Variants in CNTNAP2 observed in about 807,000 individuals in gnomAD.
CNTNAP2 encodes contactin associated protein 2, also known as contactin-associated protein-like 2.
CNTNAP2 carries 98 observed loss-of-function variants against 155.2 expected under a neutral mutation model. That is an observed-to-expected ratio of 0.63 (90% CI 0.54 to 0.75). CNTNAP2 has a LOEUF of 0.75. Ranked by LOEUF, CNTNAP2 falls within the 30% of genes least tolerant of loss-of-function variation. The pLI, the probability that CNTNAP2 is intolerant of heterozygous loss-of-function variation, is 0.00. For synonymous variants in CNTNAP2, 651 were observed against 631.2 expected (o/e 1.03, Z -0.47); for missense variants, 1,727 against 1,688.1 (o/e 1.02, Z -0.40).
intron 15 of CNTNAP2, chr7:148,044,454 G>A (rs1349391629): frequency 1.3e-5 from 2 of 152,158 alleles, no homozygotes; most frequent in South Asian, 2.1e-4. Flanking sequence ...CCTAAAATCC[G>A]TAAATTGAAA....
chr7:146,872,519 T>C (rs1795334017), intron 3 of CNTNAP2, among the ~76,000 whole-genome samples: 1 of 152,174 alleles, frequency 6.6e-6, no homozygotes, highest in African/African-American at 2.4e-5. Flanking sequence ...TGTCAGTTAT[T>C]GAGTTTCTTA....
Position 147,043,953 on chromosome 7 carries a change from T to C in CNTNAP2, c.449T>C (p.Leu150Ser), listed in dbSNP as rs199851989. 6 of 1,614,202 alleles carry C rather than the reference T, an allele frequency of 3.7e-6. No individual in the cohort carries two copies. In the Admixed American group the frequency reaches 1.0e-4, roughly 27 times the overall value. The change falls in exon 4 of 24, where the codon TTA becomes TCA. Residue 150 changes from leucine (L) to serine (S), a missense_variant. Transcript: ENST00000361727. ...INSDGVVRHE[L>S]QHPIIARYVR... The stretch of plus-strand genomic sequence containing the variant: ...TCTGACGGTGTGGTCCGGCACGAAT[T>C]ACAGCATCCGATTATTGCCCGCTAT...
intron 1 of CNTNAP2, among the ~76,000 whole-genome samples, chr7:146,540,571 C>A (rs996743585): frequency 6.6e-6 from 1 of 152,042 alleles, no homozygotes; most frequent in Non-Finnish European, 1.5e-5. Context: ...CCATACATAT[C>A]ATTTTATTTC....
At chr7:146,909,162 T>C (rs1796217097) in intron 3 of CNTNAP2, among the ~76,000 whole-genome samples, 1 of 151,912 alleles carries the variant, frequency 6.6e-6, no homozygotes, top group South Asian at 2.1e-4. Context: ...CAATAATCAA[T>C]AGTTTACCAA....
At chr7:147,131,864 T>G (rs573060876) in intron 7 of CNTNAP2, among the ~76,000 whole-genome samples, 5 of 152,002 alleles carry the variant, frequency 3.3e-5, no homozygotes, top group Non-Finnish European at 7.4e-5. Flanking sequence ...AGAGCATCTC[T>G]CTCCCTGACT....
intron 6 of CNTNAP2, among the ~76,000 whole-genome samples, chr7:147,127,974 G>C (rs1271293777): frequency 6.6e-6 from 1 of 151,972 alleles, no homozygotes; most frequent in Non-Finnish European, 1.5e-5. Flanking sequence ...AGTGTATATT[G>C]ATCAAAAATG....
intron 3 of CNTNAP2, among the ~76,000 whole-genome samples, chr7:146,849,022 A>G (rs1362090835): frequency 6.6e-6 from 1 of 152,068 alleles, no homozygotes; most frequent in Non-Finnish European, 1.5e-5. Context: ...CTCAAGTGAT[A>G]CACCCACCTA....
chr7:147,100,771 C>A (rs891366776), intron 4 of CNTNAP2, among the ~76,000 whole-genome samples: 1 of 152,130 alleles, frequency 6.6e-6, no homozygotes, highest in African/African-American at 2.4e-5. Context: ...TGTTTCAAAC[C>A]TAAATGATGT....
intron 1 of CNTNAP2, among the ~76,000 whole-genome samples, chr7:146,224,468 C>A (rs1358807512): frequency 6.7e-6 from 1 of 150,084 alleles, no homozygotes; most frequent in Non-Finnish European, 1.5e-5. Flanking sequence ...AGATTTGGGG[C>A]CGGGCGCGAT....
At chr7:147,338,811 T>C (rs549174345) in intron 9 of CNTNAP2, among the ~76,000 whole-genome samples, 2 of 151,826 alleles carry the variant, frequency 1.3e-5, no homozygotes, top group African/African-American at 2.4e-5. Flanking sequence ...TATACACATG[T>C]GTATGTAGAT....
chr7:148,167,830 A>G (rs908524358), intron 17 of CNTNAP2, among the ~76,000 whole-genome samples: 2 of 152,198 alleles, frequency 1.3e-5, no homozygotes, highest in African/African-American at 2.4e-5. Context: ...TGTAGAACCT[A>G]AGAAGTCCAA....
intron 1 of CNTNAP2, among the ~76,000 whole-genome samples, chr7:146,270,584 T>G (rs1313078504): frequency 3.3e-5 from 5 of 152,196 alleles, no homozygotes; most frequent in Admixed American, 6.5e-5. Flanking sequence ...TTTAAACAAT[T>G]TTAATATTTC....
intron 1 of CNTNAP2, among the ~76,000 whole-genome samples, chr7:146,187,551 CTT>C: frequency 6.6e-6 from 1 of 152,216 alleles, no homozygotes; most frequent in Admixed American, 6.5e-5. Context: ...GACCCTGTGA[CTT>C]TCCTCTTTCC....
At chr7:148,104,562 T>C (rs1804171037) in intron 15 of CNTNAP2, among the ~76,000 whole-genome samples, 1 of 152,180 alleles carries the variant, frequency 6.6e-6, no homozygotes, top group Admixed American at 6.5e-5. Context: ...GCTATGACCA[T>C]CCTTCATTAC....
chr7:148,045,511 C>T (rs894830202), intron 15 of CNTNAP2, among the ~76,000 whole-genome samples: 6 of 152,148 alleles, frequency 3.9e-5, no homozygotes, highest in Non-Finnish European at 5.9e-5. Context: ...GATTGACCGC[C>T]TTGAGGAGCT....
At chr7:148,195,806 AT>A (rs1795267033) in intron 18 of CNTNAP2, among the ~76,000 whole-genome samples, 1 of 152,044 alleles carries the variant, frequency 6.6e-6, no homozygotes, top group African/African-American at 2.4e-5. Flanking sequence ...TTATTTCTGT[AT>A]TTTCTTGGTG....
intron 1 of CNTNAP2, among the ~76,000 whole-genome samples, chr7:146,302,908 A>G (rs1800636357): frequency 6.6e-6 from 1 of 152,198 alleles, no homozygotes; most frequent in African/African-American, 2.4e-5. Flanking sequence ...GACCTTTGTA[A>G]TAAATGTATT....
At chr7:146,910,225 C>T (rs1239579829) in intron 3 of CNTNAP2, among the ~76,000 whole-genome samples, 1 of 145,128 alleles carries the variant, frequency 6.9e-6, no homozygotes, top group African/African-American at 2.6e-5. Context: ...AATGGCCATA[C>T]TGCCCAAGGT....
chr7:148,121,664 AT>A (rs546519468), intron 16 of CNTNAP2, among the ~76,000 whole-genome samples: 22 of 152,154 alleles, frequency 1.4e-4, no homozygotes, highest in Non-Finnish European at 2.5e-4. Flanking sequence ...AGTTCTGTTA[AT>A]TAATTACATT....
Sources: allele counts gnomAD v4.1 joint callset (sites outside exome capture counted in the v4.1 genomes callset), GRCh38; gene constraint gnomAD v4.1.1; transcripts MANE v1.5; gene names NCBI Gene and HGNC (gene_info 2026-07-23, HGNC 2026-07-21).